Variants in INTS4 observed in about 807,000 individuals in gnomAD.
INTS4 encodes integrator complex subunit 4, also known as MSTP093.
In INTS4, 70 loss-of-function variants were observed where a neutral mutation model predicts 119.5. That is an observed-to-expected ratio of 0.59 (90% CI 0.48 to 0.71). INTS4 has a LOEUF of 0.71. Ranked by LOEUF, INTS4 falls within the 30% of genes least tolerant of loss-of-function variation. The probability of loss-of-function intolerance (pLI) is 0.00; values close to 1 mark genes in which losing one functional copy is unlikely to be tolerated. For missense variants in INTS4, 867 were observed against 1,173.2 expected (o/e 0.74, Z 3.81); for synonymous variants, 316 against 419.6 (o/e 0.75, Z 3.02).
chr11:77,951,994 C>A (rs1371396566), intron 8 of INTS4, among the ~76,000 whole-genome samples: 3 of 152,166 alleles, frequency 2.0e-5, no homozygotes, highest in Non-Finnish European at 4.4e-5. Flanking sequence ...GAATGGCAAT[C>A]ATTAAAAAGT....
At chr11:77,919,568 G>T (rs1408215683) in intron 14 of INTS4, among the ~76,000 whole-genome samples, 1 of 152,206 alleles carries the variant, frequency 6.6e-6, no homozygotes, top group Admixed American at 6.5e-5. Flanking sequence ...TTACAGGCGT[G>T]AGCCACTGCA....
chr11:77,880,577 A>G (rs1348136630), intron 22 of INTS4, among the ~76,000 whole-genome samples: 1 of 152,186 alleles, frequency 6.6e-6, no homozygotes, highest in Non-Finnish European at 1.5e-5. Flanking sequence ...ATAGGTACCT[A>G]TATCTGCTTT....
chr11:77,944,866 CA>C (rs1442101320), intron 8 of INTS4, among the ~76,000 whole-genome samples: 1 of 151,950 alleles, frequency 6.6e-6, no homozygotes, highest in African/African-American at 2.4e-5. Flanking sequence ...CAAAACAAAA[CA>C]AAATCCAAAA....
chr11:77,919,738 A>C (rs562652647), intron 14 of INTS4, among the ~76,000 whole-genome samples: 108 of 152,330 alleles, frequency 7.1e-4, no homozygotes, highest in African/African-American at 2.6e-3. Context: ...CTTACTGTTA[A>C]AAGTGGTTAC....
intron 4 of INTS4, among the ~76,000 whole-genome samples, chr11:77,970,059 T>C (rs996359117): frequency 6.6e-6 from 1 of 152,156 alleles, no homozygotes; most frequent in African/African-American, 2.4e-5. Context: ...CTGATGGTCA[T>C]TTGACTTGCT....
chr11:77,993,241 C>T (rs1450183822), intron 1 of INTS4, among the ~76,000 whole-genome samples: 1 of 152,196 alleles, frequency 6.6e-6, no homozygotes. Flanking sequence ...GTAATGACAG[C>T]AGCACTGAAC....
chr11:77,897,285 G>A (rs1458366588), intron 18 of INTS4, among the ~76,000 whole-genome samples: 1 of 151,528 alleles, frequency 6.6e-6, no homozygotes, highest in Non-Finnish European at 1.5e-5. Flanking sequence ...TTTGAGTTCA[G>A]GAGTTCAAGA....
intron 2 of INTS4, among the ~76,000 whole-genome samples, chr11:77,984,201 T>C (rs2136653314): frequency 6.6e-6 from 1 of 152,034 alleles, no homozygotes; most frequent in East Asian, 1.9e-4. Flanking sequence ...GGAGACAAAA[T>C]GTAGAATGAG....
At chr11:77,886,260 G>T (rs1409012397) in intron 21 of INTS4, among the ~76,000 whole-genome samples, 2 of 152,048 alleles carry the variant, frequency 1.3e-5, no homozygotes, top group African/African-American at 4.8e-5. Context: ...TTGGTGAAAG[G>T]CCTTCACTCC....
intron 15 of INTS4, among the ~76,000 whole-genome samples, chr11:77,913,836 C>T (rs1953144064): frequency 6.6e-6 from 1 of 152,122 alleles, no homozygotes; most frequent in African/African-American, 2.4e-5. Flanking sequence ...GTTTTACACT[C>T]ATACTAACAA....
chr11:77,972,931 C>T (rs1855790530), intron 4 of INTS4, among the ~76,000 whole-genome samples: 1 of 151,696 alleles, frequency 6.6e-6, no homozygotes, highest in Non-Finnish European at 1.5e-5. Context: ...GCCTTGTCCT[C>T]CTAGGTTCAA....
intron 4 of INTS4, among the ~76,000 whole-genome samples, chr11:77,962,209 G>A (rs991065794): frequency 2.9e-4 from 44 of 152,276 alleles, no homozygotes; most frequent in African/African-American, 1.1e-3. Flanking sequence ...TTTGAGCCTC[G>A]GAGGTGGAGG....
chr11:77,974,729 G>A (rs1156492682), intron 4 of INTS4, among the ~76,000 whole-genome samples: 1 of 151,452 alleles, frequency 6.6e-6, no homozygotes, highest in African/African-American at 2.4e-5. Context: ...AGCCTCCCAG[G>A]TAGCTGGACT....
Position 77,903,689 on chromosome 11 carries a change from C to T in INTS4, c.2017-69G>A, listed in dbSNP as rs1952850523. 5 of 1,259,752 alleles carry T rather than the reference C, an allele frequency of 4.0e-6. No homozygotes were observed. In the South Asian group the frequency reaches 6.9e-5, roughly 17 times the overall value. The allele number at this position is 1,259,752 out of a possible 1,614,324, so 78.0% of individuals were successfully genotyped here. A position where few individuals can be genotyped will look rare whatever the true frequency, so the allele number is the denominator to read the frequency against. On this transcript the variant is annotated intron_variant, in intron 16 of 22. Transcript: ENST00000534064. ...AGACTGGCCTATCATTTGGGATTTA[C>T]ATTTTTGTTTTCCTTTGAAAGTCTC...
At chr11:77,937,234 T>C (rs1309873775) in intron 10 of INTS4, among the ~76,000 whole-genome samples, 2 of 151,574 alleles carry the variant, frequency 1.3e-5, no homozygotes, top group Non-Finnish European at 2.9e-5. Flanking sequence ...CCAACTGTGA[T>C]GAAAACTATT....
chr11:77,970,354 G>A (rs1168828795), intron 4 of INTS4, among the ~76,000 whole-genome samples: 3 of 151,694 alleles, frequency 2.0e-5, no homozygotes, highest in African/African-American at 4.8e-5. Flanking sequence ...AGCCAAGATC[G>A]CACCACTGCA....
intron 16 of INTS4, among the ~76,000 whole-genome samples, chr11:77,904,709 G>A (rs1171369195): frequency 6.6e-6 from 1 of 152,178 alleles, no homozygotes; most frequent in Non-Finnish European, 1.5e-5. Flanking sequence ...GTTGTAGTCA[G>A]AAAGCAGAAT....
chr11:77,919,949 C>G (rs1438500613), intron 14 of INTS4, among the ~76,000 whole-genome samples: 1 of 151,972 alleles, frequency 6.6e-6, no homozygotes, highest in Non-Finnish European at 1.5e-5. Flanking sequence ...GCTAGGACTA[C>G]AGGTGCCCAC....
intron 10 of INTS4, among the ~76,000 whole-genome samples, chr11:77,938,127 G>C (rs916489082): frequency 3.3e-5 from 5 of 151,948 alleles, no homozygotes; most frequent in African/African-American, 1.2e-4. Context: ...GATTACAGGT[G>C]TGAGCCACCA....
Sources: gnomAD v4.1 joint callset for allele counts (sites outside exome capture counted in the v4.1 genomes callset) on GRCh38, gnomAD v4.1.1 for gene constraint, MANE v1.5 for transcripts, NCBI Gene and HGNC (gene_info 2026-07-23, HGNC 2026-07-21) for gene names.